CA10: variants seen among roughly 807,000 people sequenced by gnomAD.
CA10 encodes carbonic anhydrase 10 (inactive).
Under a neutral mutation model 44.2 loss-of-function variants are expected in CA10, and 14 were observed. The observed-to-expected ratio is 0.32, with a 90% CI of 0.21 to 0.50. The LOEUF is 0.50. Among genes scored for constraint, CA10 ranks in the 20% least tolerant of loss-of-function variants. CA10 has a pLI of 0.99. For synonymous variants in CA10, 159 were observed against 141.6 expected, an observed-to-expected ratio of 1.12 and a Z score of -0.87; for missense variants, 350 against 409.7, an observed-to-expected ratio of 0.85 and a Z score of 1.26.
chr17:51,781,641 C>T (rs985705529), intron 3 of CA10, among the ~76,000 whole-genome samples: 6 of 152,160 alleles, frequency 3.9e-5, no homozygotes, highest in Non-Finnish European at 2.9e-5. Context: ...ACCAGAAACA[C>T]AATAGGACTC....
intron 3 of CA10, among the ~76,000 whole-genome samples, chr17:51,770,472 T>C (rs1905561114): frequency 6.6e-6 from 1 of 151,788 alleles, no homozygotes; most frequent in Admixed American, 6.6e-5. Context: ...TGCTAAACTG[T>C]ATTGTGCAAA....
intron 3 of CA10, among the ~76,000 whole-genome samples, chr17:51,813,007 AC>A (rs1301858422): frequency 6.6e-6 from 1 of 152,206 alleles, no homozygotes; most frequent in African/African-American, 2.4e-5. Flanking sequence ...TTATTTATTT[AC>A]TTTAAAAAGT....
At chr17:51,806,170 G>C (rs933688418) in intron 3 of CA10, among the ~76,000 whole-genome samples, 2 of 152,156 alleles carry the variant, frequency 1.3e-5, no homozygotes, top group African/African-American at 4.8e-5. Context: ...TTACATAGCA[G>C]TGTGACATAC....
intron 2 of CA10, among the ~76,000 whole-genome samples, chr17:52,002,077 A>C (rs1985444709): frequency 1.3e-5 from 2 of 151,968 alleles, no homozygotes; most frequent in African/African-American, 4.8e-5. Context: ...GAGAGTAAAG[A>C]GCCCACACAT....
intron 1 of CA10, among the ~76,000 whole-genome samples, chr17:52,119,840 C>T (rs1013750531): frequency 1.3e-5 from 2 of 152,152 alleles, no homozygotes. Context: ...ATTCTAGACT[C>T]ATTAGCTGTT....
chr17:52,141,766 G>A (rs1830438755), intron 1 of CA10, among the ~76,000 whole-genome samples: 1 of 152,148 alleles, frequency 6.6e-6, no homozygotes, highest in Admixed American at 6.5e-5. Context: ...GTGGTTTAGG[G>A]AAGAGAAAAA....
chr17:51,871,725 A>G (rs1021505170), intron 3 of CA10, among the ~76,000 whole-genome samples: 1 of 151,766 alleles, frequency 6.6e-6, no homozygotes, highest in African/African-American at 2.4e-5. Flanking sequence ...GTGTACTTTA[A>G]TACCAGTTGC....
chr17:51,920,416 G>T (rs1170360831), intron 3 of CA10, among the ~76,000 whole-genome samples: 1 of 152,050 alleles, frequency 6.6e-6, no homozygotes, highest in Non-Finnish European at 1.5e-5. Context: ...AAAAGGCTAA[G>T]AGAGTAAAAG....
At chr17:52,017,644 T>C (rs921513507) in intron 2 of CA10, among the ~76,000 whole-genome samples, 3 of 152,092 alleles carry the variant, frequency 2.0e-5, no homozygotes, top group Admixed American at 2.0e-4. Context: ...GAATTTACAA[T>C]AAAAAGGACT....
intron 1 of CA10, among the ~76,000 whole-genome samples, chr17:52,091,506 G>A (rs371922440): frequency 3.9e-4 from 59 of 152,118 alleles, no homozygotes; most frequent in African/African-American, 1.3e-3. Context: ...TCTCACTCCC[G>A]CACATTGGCC....
chr17:51,803,705 ATTAAATT>A (rs766835328), intron 3 of CA10, among the ~76,000 whole-genome samples: 2 of 152,234 alleles, frequency 1.3e-5, no homozygotes, highest in Non-Finnish European at 2.9e-5. Context: ...TGATTGGAAT[ATTAAATT>A]TTAAAGTATA....
At chr17:51,677,157 T>C (rs1454888943) in intron 4 of CA10, among the ~76,000 whole-genome samples, 1 of 152,184 alleles carries the variant, frequency 6.6e-6, no homozygotes, top group Non-Finnish European at 1.5e-5. Context: ...TGGAATAATA[T>C]TTGTTCAATA....
chr17:52,139,639 T>G (rs1353012845), intron 1 of CA10, among the ~76,000 whole-genome samples: 1 of 152,002 alleles, frequency 6.6e-6, no homozygotes, highest in African/African-American at 2.4e-5. Flanking sequence ...CAAACAGACT[T>G]GTAGTGAAGA....
intron 3 of CA10, among the ~76,000 whole-genome samples, chr17:51,920,142 A>T (rs1031194945): frequency 2.0e-5 from 3 of 152,186 alleles, no homozygotes; most frequent in Non-Finnish European, 4.4e-5. Context: ...CAGTTCTGGG[A>T]TAACTTGAAT....
At chr17:52,094,755 A>G (rs1412649302) in intron 1 of CA10, among the ~76,000 whole-genome samples, 1 of 152,166 alleles carries the variant, frequency 6.6e-6, no homozygotes. Context: ...TTTAAACCCC[A>G]ATGAAATGCC....
At chr17:51,748,267 A>C (rs1367747248) in intron 3 of CA10, among the ~76,000 whole-genome samples, 2 of 152,172 alleles carry the variant, frequency 1.3e-5, no homozygotes, top group Non-Finnish European at 1.5e-5. Context: ...GCAGACGCTC[A>C]TGGGAGATGG....
intron 4 of CA10, among the ~76,000 whole-genome samples, chr17:51,738,472 T>C (rs1916985532): frequency 6.6e-6 from 1 of 152,224 alleles, no homozygotes; most frequent in Non-Finnish European, 1.5e-5. Context: ...AATGCAATAG[T>C]ATGATTGCCT....
intron 3 of CA10, among the ~76,000 whole-genome samples, chr17:51,889,477 T>C (rs1252017556): frequency 6.6e-6 from 1 of 152,130 alleles, no homozygotes; most frequent in Admixed American, 6.5e-5. Flanking sequence ...TGAACCATGA[T>C]TGCGCCACTG....
chr17:51,671,044 G>T (rs1369407709), intron 4 of CA10, among the ~76,000 whole-genome samples: 1 of 152,168 alleles, frequency 6.6e-6, no homozygotes, highest in Admixed American at 6.5e-5. Flanking sequence ...CACTCCTATA[G>T]TTAGTGTTTT....
Sources: gnomAD v4.1 joint callset for allele counts (sites outside exome capture counted in the v4.1 genomes callset) on GRCh38, gnomAD v4.1.1 for gene constraint, MANE v1.5 for transcripts, NCBI Gene and HGNC (gene_info 2026-07-23, HGNC 2026-07-21) for gene names.